ESRRG: variants seen among roughly 807,000 people sequenced by gnomAD.
ESRRG encodes estrogen-related receptor gamma.
In ESRRG, 13 loss-of-function variants were observed where a neutral mutation model predicts 44.0. The observed-to-expected ratio is 0.30, with a 90% CI of 0.19 to 0.47. The LOEUF (loss-of-function observed/expected upper bound fraction) is 0.47. ESRRG is among the 20% of genes least tolerant of loss of function. ESRRG has a pLI of 1.00. For synonymous variants in ESRRG, 215 were observed against 214.6 expected, an observed-to-expected ratio of 1.00 and a Z score of -0.02; for missense variants, 395 against 580.6, an observed-to-expected ratio of 0.68 and a Z score of 3.29.
chr1:216,964,118 G>T (rs2069728870), intron 1 of ESRRG, among the ~76,000 whole-genome samples: 1 of 152,142 alleles, frequency 6.6e-6, no homozygotes, highest in African/African-American at 2.4e-5. Context: ...CAGAATAGAG[G>T]ATATGGAGTG....
At chr1:216,708,345 A>G (rs2082857240) in intron 1 of ESRRG, among the ~76,000 whole-genome samples, 1 of 152,230 alleles carries the variant, frequency 6.6e-6, no homozygotes, top group Non-Finnish European at 1.5e-5. Context: ...ATTATAAACA[A>G]AATTTTAATT....
At chr1:216,535,694 A>G (rs904945911) in intron 5 of ESRRG, among the ~76,000 whole-genome samples, 1 of 151,916 alleles carries the variant, frequency 6.6e-6, no homozygotes, top group Non-Finnish European at 1.5e-5. Context: ...TCCATTTCTT[A>G]TACTTATAAT....
chr1:216,782,509 T>C (rs1050902024), intron 2 of ESRRG, among the ~76,000 whole-genome samples: 8 of 152,124 alleles, frequency 5.3e-5, no homozygotes, highest in Non-Finnish European at 1.0e-4. Context: ...TTTTAACTTA[T>C]TGATCTTTGT....
At chr1:217,025,098 G>T (rs2080976310) in intron 1 of ESRRG, among the ~76,000 whole-genome samples, 1 of 152,156 alleles carries the variant, frequency 6.6e-6, no homozygotes, top group South Asian at 2.1e-4. Context: ...GGGACCAGGA[G>T]CAATGCTGAA....
intron 1 of ESRRG, among the ~76,000 whole-genome samples, chr1:217,129,199 C>T (rs901868728): frequency 1.3e-5 from 2 of 152,100 alleles, no homozygotes; most frequent in African/African-American, 4.8e-5. Context: ...GACATTTCTC[C>T]AAAGAGAATA....
At chr1:216,959,538 T>A (rs1409176074) in intron 1 of ESRRG, 4 of 151,392 alleles carry the variant, frequency 2.6e-5, no homozygotes, top group Non-Finnish European at 1.5e-5. Flanking sequence ...AAAAAAAAAA[T>A]TAGCTGGATG....
chr1:216,934,833 C>T (rs902746552), intron 2 of ESRRG, among the ~76,000 whole-genome samples: 6 of 152,030 alleles, frequency 3.9e-5, no homozygotes, highest in Non-Finnish European at 7.4e-5. Context: ...TGGGAGAGTG[C>T]GTATTGGTGA....
At chr1:216,925,136 CTG>C (rs1481212060) in intron 2 of ESRRG, among the ~76,000 whole-genome samples, 2 of 152,160 alleles carry the variant, frequency 1.3e-5, no homozygotes, top group Non-Finnish European at 2.9e-5. Context: ...GGCTGCATGA[CTG>C]TTGTTATAAA....
intron 2 of ESRRG, among the ~76,000 whole-genome samples, chr1:216,920,554 C>T (rs555017917): frequency 9.9e-5 from 15 of 152,150 alleles, no homozygotes; most frequent in African/African-American, 3.6e-4. Flanking sequence ...ATAAAAGAAA[C>T]AAGCCAGAAT....
chr1:216,574,273 T>C (rs964897726), intron 3 of ESRRG, among the ~76,000 whole-genome samples: 1 of 152,096 alleles, frequency 6.6e-6, no homozygotes, highest in East Asian at 1.9e-4. Flanking sequence ...TTTGCCTACA[T>C]TGCCACAAGG....
At chr1:216,587,453 A>G (rs1351725885) in intron 3 of ESRRG, among the ~76,000 whole-genome samples, 1 of 152,206 alleles carries the variant, frequency 6.6e-6, no homozygotes, top group Non-Finnish European at 1.5e-5. Flanking sequence ...GTTAAAGTAG[A>G]TGTCTATCAA....
intron 1 of ESRRG, among the ~76,000 whole-genome samples, chr1:216,975,204 A>C (rs1353045641): frequency 1.3e-5 from 2 of 152,232 alleles, no homozygotes; most frequent in African/African-American, 4.8e-5. Context: ...GTGGACTCAG[A>C]AATGAGATCA....
Position 216,523,156 on chromosome 1 carries a change from C to T in ESRRG, c.863-3735G>A, listed in dbSNP as rs184377991. ...CACATTTTTTCTTCCACAGCTATAG[C>T]CCATTCCCTGCATATCGCTGACAAC... On this transcript the variant is annotated intron_variant, in intron 5 of 6. Transcript: ENST00000408911. Among the ~76,000 whole-genome samples, 574 of 152,250 alleles carry T rather than the reference C, an allele frequency of 3.8e-3. 3 individuals carry two copies. Among genetic ancestry groups the T allele is most frequent in the Non-Finnish European group, 7.0e-3 (478 of 68,014 alleles).
intron 1 of ESRRG, among the ~76,000 whole-genome samples, chr1:217,019,426 T>C (rs1376543123): frequency 1.3e-5 from 2 of 152,184 alleles, no homozygotes; most frequent in Admixed American, 1.3e-4. Context: ...TTGCTCTACA[T>C]GCCAATGTCT....
intron 1 of ESRRG, among the ~76,000 whole-genome samples, chr1:216,997,519 A>AGG (rs1560414869): frequency 6.6e-6 from 1 of 152,094 alleles, no homozygotes; most frequent in African/African-American, 2.4e-5. Flanking sequence ...TGAGTCCCCA[A>AGG]CCTTTGATGT....
chr1:216,596,990 A>C (rs2058532006), intron 3 of ESRRG, among the ~76,000 whole-genome samples: 2 of 152,164 alleles, frequency 1.3e-5, no homozygotes, highest in South Asian at 4.1e-4. Context: ...GCTGCTGACC[A>C]ACTACAGGAG....
chr1:216,770,308 G>A, intron 2 of ESRRG, among the ~76,000 whole-genome samples: 1 of 152,066 alleles, frequency 6.6e-6, no homozygotes, highest in Admixed American at 6.6e-5. Flanking sequence ...TAAACACACA[G>A]GAGACTTAAA....
chr1:216,909,877 TA>T (rs1441241726), intron 2 of ESRRG, among the ~76,000 whole-genome samples: 1 of 152,050 alleles, frequency 6.6e-6, no homozygotes, highest in Non-Finnish European at 1.5e-5. Context: ...GCACCATTAA[TA>T]ACAACAAGCA....
intron 3 of ESRRG, among the ~76,000 whole-genome samples, chr1:216,568,701 A>G (rs1055415050): frequency 6.6e-6 from 1 of 152,146 alleles, no homozygotes; most frequent in Non-Finnish European, 1.5e-5. Flanking sequence ...ACAAATTTGT[A>G]TTTCCTCTCA....
Sources: allele counts gnomAD v4.1 joint callset (sites outside exome capture counted in the v4.1 genomes callset), GRCh38; gene constraint gnomAD v4.1.1; transcripts MANE v1.5; gene names NCBI Gene and HGNC (gene_info 2026-07-23, HGNC 2026-07-21).